The following RCSD1 variants were observed in gnomAD, a reference collection of about 807,000 sequenced individuals.
RCSD1 encodes RCSD domain containing 1.
Under a neutral mutation model 42.5 loss-of-function variants are expected in RCSD1, and 26 were observed. That is an observed-to-expected ratio of 0.61 (90% CI 0.45 to 0.85). RCSD1 has a LOEUF of 0.85. Among genes scored for constraint, RCSD1 ranks in the 40% least tolerant of loss-of-function variants. The pLI, the probability that RCSD1 is intolerant of heterozygous loss-of-function variation, is 0.00. For missense variants in RCSD1, 571 were observed against 528.3 expected (o/e 1.08, Z -0.79); for synonymous variants, 220 against 212.2 (o/e 1.04, Z -0.32).
intron 1 of RCSD1, among the ~76,000 whole-genome samples, chr1:167,634,393 C>A (rs1657779340): frequency 7.1e-6 from 1 of 140,576 alleles, no homozygotes. Flanking sequence ...TTTTTTTTAA[C>A]AAGCAGTGTT....
In RCSD1 at chr1:167,630,380, C is replaced by T. The variant is rs1571660410; in HGVS notation, c.-44C>T. 1.3e-6 allele frequency: 2 copies of T among 1,495,406 alleles called. No individual in the cohort carries two copies. The highest frequency in any genetic ancestry group is 1.3e-5 in the South Asian group (1 of 76,548). 92.6% of individuals were successfully genotyped at this position (1,495,406 alleles called of 1,614,324 possible). On this transcript the variant is annotated 5_prime_UTR_variant, in exon 1 of 7. Transcript: ENST00000367854. ...ACAGCGGGGATCGTGAGCTCCGGCC[C>T]GGGCGAGCGGGTGCGTCTGCCGCAG...
chr1:167,642,559 A>C (rs1658033388), intron 1 of RCSD1, among the ~76,000 whole-genome samples: 1 of 152,230 alleles, frequency 6.6e-6, no homozygotes, highest in Non-Finnish European at 1.5e-5. Context: ...CATAAGCGTT[A>C]AGGGCATCTG....
intron 1 of RCSD1, among the ~76,000 whole-genome samples, chr1:167,656,681 C>G (rs1658432076): frequency 6.6e-6 from 1 of 152,204 alleles, no homozygotes; most frequent in Admixed American, 6.5e-5. Flanking sequence ...ACGCCTTCCA[C>G]ATAGTCATTT....
At chr1:167,666,814 T>C (rs1658670041) in intron 1 of RCSD1, among the ~76,000 whole-genome samples, 1 of 152,252 alleles carries the variant, frequency 6.6e-6, no homozygotes, top group South Asian at 2.1e-4. Context: ...CACGGCCCAT[T>C]GGCCACATGT....
intron 3 of RCSD1, among the ~76,000 whole-genome samples, chr1:167,688,097 A>G (rs944619091): frequency 6.6e-6 from 1 of 152,180 alleles, no homozygotes; most frequent in Non-Finnish European, 1.5e-5. Flanking sequence ...AAGGGAAATG[A>G]TGCCACCTGC....
intron 1 of RCSD1, among the ~76,000 whole-genome samples, chr1:167,651,556 T>C (rs1658306709): frequency 6.6e-6 from 1 of 152,198 alleles, no homozygotes; most frequent in South Asian, 2.1e-4. Flanking sequence ...TGTCACGCCT[T>C]TCTAACACAG....
At chr1:167,648,063 CT>C (rs1399288462) in intron 1 of RCSD1, among the ~76,000 whole-genome samples, 2 of 152,044 alleles carry the variant, frequency 1.3e-5, no homozygotes, top group African/African-American at 4.8e-5. Context: ...ATGCATAATT[CT>C]TACATAATTT....
At chr1:167,685,606 T>A in intron 3 of RCSD1, 96 bp downstream of exon 3, 2 of 925,492 alleles carry the variant, frequency 2.2e-6, no homozygotes, top group Non-Finnish European at 3.5e-6. Flanking sequence ...ACTCATACTT[T>A]AAAGCTCAGA....
chr1:167,674,304 A>G (rs1373872366), intron 1 of RCSD1, among the ~76,000 whole-genome samples: 1 of 152,204 alleles, frequency 6.6e-6, no homozygotes, highest in Non-Finnish European at 1.5e-5. Flanking sequence ...GCTGCAAGGC[A>G]TGCTGGAGGC....
intron 1 of RCSD1, among the ~76,000 whole-genome samples, chr1:167,639,211 C>T (rs1236813257): frequency 2.0e-5 from 3 of 150,856 alleles, no homozygotes; most frequent in Admixed American, 6.6e-5. Context: ...AGGGAGACTC[C>T]GTCTCAAAAC....
At position 167,704,857 on chromosome 1, in the gene RCSD1, C is replaced by T. The variant is rs1659719921; in HGVS notation, c.*161C>T. The T allele has an allele frequency of 1.6e-6, 1 of 643,026 alleles. No individual in the cohort carries two copies. The highest frequency in any genetic ancestry group is 2.7e-6 in the Non-Finnish European group (1 of 364,598). 39.8% of individuals were successfully genotyped at this position (643,026 alleles called of 1,614,324 possible). ...ACAGGGTGGATTATTTCCTGGCCTC[C>T]ACACCAAACGTTCCCTTGCAGATGG... On this transcript the variant is annotated 3_prime_UTR_variant, in exon 7 of 7. Coordinates refer to ENST00000367854, the MANE Select transcript of RCSD1 (RefSeq NM_052862.4).
At chr1:167,657,345 G>T (rs1647023396) in intron 1 of RCSD1, among the ~76,000 whole-genome samples, 1 of 152,266 alleles carries the variant, frequency 6.6e-6, no homozygotes, top group East Asian at 1.9e-4. Flanking sequence ...TCTTTCTTTT[G>T]TCCTGTGATT....
At position 167,685,467 on chromosome 1, in the gene RCSD1, C is replaced by G; in HGVS notation, c.155C>G (p.Pro52Arg). 6.2e-7 allele frequency: 1 copy of G among 1,613,888 alleles called. No homozygotes were observed. Among genetic ancestry groups the G allele is most frequent in the Non-Finnish European group, 8.5e-7 (1 of 1,179,910 alleles). Residue 52 changes from proline to arginine, a missense_variant, in exon 3 of 7, where the codon CCC becomes CGC. Pro to Arg is a moderately radical substitution (Grantham distance 103). Coordinates refer to ENST00000367854, the MANE Select transcript of RCSD1 (RefSeq NM_052862.4). ...PTRRKPPCSL[P>R]LFPPKVDLGQ... Reference sequence around the variant, plus strand: ...CGAAGGAAACCGCCCTGTTCCCTCCCCCTGTTCCCCCCCAAGGTAGACCTG... The same window carrying G: ...CGAAGGAAACCGCCCTGTTCCCTCCGCCTGTTCCCCCCCAAGGTAGACCTG...
intron 1 of RCSD1, among the ~76,000 whole-genome samples, chr1:167,659,283 A>G (rs1658492487): frequency 6.6e-6 from 1 of 152,192 alleles, no homozygotes; most frequent in African/African-American, 2.4e-5. Context: ...TTTATATAAC[A>G]GACATTACCT....
At chr1:167,695,869 A>G (rs911492864) in intron 5 of RCSD1, among the ~76,000 whole-genome samples, 1 of 152,168 alleles carries the variant, frequency 6.6e-6, no homozygotes, top group Non-Finnish European at 1.5e-5. Context: ...TAGGTAGGGT[A>G]TCTGATGTGA....
chr1:167,656,834 C>T (rs970015740), intron 1 of RCSD1, among the ~76,000 whole-genome samples: 1 of 152,212 alleles, frequency 6.6e-6, no homozygotes, highest in Non-Finnish European at 1.5e-5. Flanking sequence ...CCTTTTCCAT[C>T]TGCTCTAAAG....
At chr1:167,637,911 C>T (rs1027527650) in intron 1 of RCSD1, among the ~76,000 whole-genome samples, 1 of 152,226 alleles carries the variant, frequency 6.6e-6, no homozygotes, top group African/African-American at 2.4e-5. Flanking sequence ...GACTGTAGAG[C>T]AGCAGCCAAC....
chr1:167,662,386 T>C (rs1658559139), intron 1 of RCSD1, among the ~76,000 whole-genome samples: 1 of 152,208 alleles, frequency 6.6e-6, no homozygotes, highest in South Asian at 2.1e-4. Context: ...ATGCAGGCTG[T>C]CTTGATCTTG....
At position 167,697,518 on chromosome 1, in the gene RCSD1, C is replaced by T; in HGVS notation, c.894C>T (p.Ser298=). ...SGPEAENRCG[S]PREEKPAGEE... ...CAGAGGCAGAAAATAGGTGTGGGAG[C>T]CCCAGGGAGGAAAAGCCAGCTGGAG... Residue 298 remains serine, a synonymous_variant, in exon 6 of 7, where the codon AGC becomes AGT. Transcript: ENST00000367854. 1.2e-6 allele frequency: 2 copies of T among 1,605,952 alleles called. No individual in the cohort carries two copies. Among genetic ancestry groups the T allele is most frequent in the African/African-American group, 1.3e-5 (1 of 74,752 alleles).
Sources: gnomAD v4.1 joint callset for allele counts (sites outside exome capture counted in the v4.1 genomes callset) on GRCh38, gnomAD v4.1.1 for gene constraint, MANE v1.5 for transcripts, NCBI Gene and HGNC (gene_info 2026-07-23, HGNC 2026-07-21) for gene names.